The following BARD1 variants were observed in gnomAD, a reference collection of about 807,000 sequenced individuals.
The protein encoded by BARD1 is BRCA1-associated RING domain protein 1.
Under a neutral mutation model 77.0 loss-of-function variants are expected in BARD1, and 73 were observed. The observed-to-expected ratio is 0.95, with a 90% CI of 0.79 to 1.15. The LOEUF (loss-of-function observed/expected upper bound fraction) is 1.15. Among genes scored for constraint, BARD1 ranks in the 50% most tolerant of loss-of-function variants. The pLI, the probability that BARD1 is intolerant of heterozygous loss-of-function variation, is 0.00. For synonymous variants in BARD1, 384 were observed against 338.0 expected (o/e 1.14, Z -1.49); for missense variants, 993 against 938.8 (o/e 1.06, Z -0.75).
intron 2 of BARD1, among the ~76,000 whole-genome samples, chr2:214,794,534 T>C (rs1474141540): frequency 6.6e-6 from 1 of 152,094 alleles, no homozygotes; most frequent in African/African-American, 2.4e-5. Flanking sequence ...TTATTTTTCC[T>C]TACAAAGTGT....
chr2:214,739,250 A>G (rs1255730252), intron 9 of BARD1, among the ~76,000 whole-genome samples: 1 of 152,180 alleles, frequency 6.6e-6, no homozygotes, highest in Non-Finnish European at 1.5e-5. Flanking sequence ...TCCTAAAAAA[A>G]AAAAATTAAA....
chr2:214,742,875 C>T (rs6435855), intron 9 of BARD1, among the ~76,000 whole-genome samples: 74,667 of 152,016 alleles, frequency 0.49, 18,516 homozygotes, highest in East Asian at 0.56. Context: ...ATCTATTTCT[C>T]CTTATAACCA....
chr2:214,739,568 A>C (rs1692720581), intron 9 of BARD1, among the ~76,000 whole-genome samples: 1 of 152,122 alleles, frequency 6.6e-6, no homozygotes, highest in Non-Finnish European at 1.5e-5. Context: ...AAAATGAAAA[A>C]ACAGTAGCAT....
At chr2:214,754,243 T>C (rs1693592131) in intron 6 of BARD1, among the ~76,000 whole-genome samples, 1 of 150,884 alleles carries the variant, frequency 6.6e-6, no homozygotes, top group South Asian at 2.1e-4. Flanking sequence ...CAACATATAA[T>C]GGCCACATTA....
chr2:214,799,609 C>T (rs1454137971), intron 1 of BARD1, among the ~76,000 whole-genome samples: 1 of 152,160 alleles, frequency 6.6e-6, no homozygotes, highest in Non-Finnish European at 1.5e-5. Context: ...CCTATAGTTC[C>T]CATATCTTTT....
intron 6 of BARD1, among the ~76,000 whole-genome samples, chr2:214,765,391 T>C (rs1694149255): frequency 6.6e-6 from 1 of 152,194 alleles, no homozygotes; most frequent in South Asian, 2.1e-4. Flanking sequence ...AGACAGGCTC[T>C]GTGTTTTGGC....
chr2:214,751,363 A>G (rs1194298553), intron 7 of BARD1, among the ~76,000 whole-genome samples: 1 of 150,430 alleles, frequency 6.6e-6, no homozygotes, highest in African/African-American at 2.4e-5. Context: ...GGGTTTCACC[A>G]TGTTGACCAA....
Position 214,729,025 on chromosome 2 carries a change from A to G in BARD1, c.2002-17T>C, listed in dbSNP as rs1692232403. On this transcript the variant is annotated splice_polypyrimidine_tract_variant and intron_variant, in intron 10 of 10. Coordinates refer to ENST00000260947, the MANE Select transcript of BARD1 (RefSeq NM_000465.4). ...CTTTGGCAACTGAAATAATGAGAAA[A>G]CATTTGTTAAAGGCAGATCAAAATA... 1 of 1,611,710 alleles carries G rather than the reference A, an allele frequency of 6.2e-7. No individual in the cohort carries two copies. The highest frequency in any genetic ancestry group is 1.3e-5 in the African/African-American group (1 of 74,882).
chr2:214,794,131 T>C (rs1695651841), intron 2 of BARD1, among the ~76,000 whole-genome samples: 1 of 152,022 alleles, frequency 6.6e-6, no homozygotes, highest in African/African-American at 2.4e-5. Context: ...GGTGCACCTG[T>C]AGTCTCAGCT....
At chr2:214,789,165 T>C (rs1329011182) in intron 3 of BARD1, among the ~76,000 whole-genome samples, 1 of 152,170 alleles carries the variant, frequency 6.6e-6, no homozygotes, top group Non-Finnish European at 1.5e-5. Flanking sequence ...TAAGAAGGTC[T>C]ATGAATGCAT....
rs545107676 is a variant in BARD1, at chr2:214,809,526, C to A, written c.44G>T (p.Arg15Leu). The A allele has an allele frequency of 5.5e-5, 88 of 1,587,988 alleles. No homozygotes were observed. The South Asian group carries it at 9.0e-4, about 16-fold the overall frequency. ...RQPRNRQPRI[R>L]SGNEPRSAPA... ...CGCGGAACGAGGCTCGTTCCCGGAG[C>A]GGATCCTCGGCTGCCGGTTCCTCGG... Residue 15 changes from arginine to leucine, a missense_variant, in exon 1 of 11, where the codon CGC becomes CTC. Coordinates refer to ENST00000260947, the MANE Select transcript of BARD1 (RefSeq NM_000465.4).
chr2:214,734,135 G>C (rs1692471608), intron 9 of BARD1, among the ~76,000 whole-genome samples: 1 of 152,016 alleles, frequency 6.6e-6, no homozygotes, highest in Non-Finnish European at 1.5e-5. Context: ...TGAATGCAAA[G>C]TTGTTTCTGA....
At chr2:214,755,640 T>G (rs1264353414) in intron 6 of BARD1, among the ~76,000 whole-genome samples, 2 of 152,158 alleles carry the variant, frequency 1.3e-5, no homozygotes. Context: ...AGGGGCCGTG[T>G]AGGGAATAAG....
intron 1 of BARD1, among the ~76,000 whole-genome samples, chr2:214,799,780 A>T (rs1019316358): frequency 6.6e-6 from 1 of 152,164 alleles, no homozygotes; most frequent in Non-Finnish European, 1.5e-5. Context: ...TTGAACAGAT[A>T]AAAGTTCTTA....
chr2:214,779,920 T>C (rs1574814533), intron 4 of BARD1, among the ~76,000 whole-genome samples: 2 of 152,334 alleles, frequency 1.3e-5, no homozygotes, highest in East Asian at 3.9e-4. Context: ...GTTTCAAAGA[T>C]TAACCACTGC....
intron 6 of BARD1, among the ~76,000 whole-genome samples, chr2:214,759,209 T>G (rs1420826012): frequency 6.6e-6 from 1 of 152,168 alleles, no homozygotes; most frequent in Non-Finnish European, 1.5e-5. Context: ...CATGTAATAT[T>G]TTCTACTTCA....
At chr2:214,800,365 G>A (rs1695961945) in intron 1 of BARD1, among the ~76,000 whole-genome samples, 1 of 152,162 alleles carries the variant, frequency 6.6e-6, no homozygotes, top group Non-Finnish European at 1.5e-5. Flanking sequence ...AAGGAAGTGT[G>A]TGAGCCAAGC....
chr2:214,771,133 A>T (rs1170261450), intron 4 of BARD1, among the ~76,000 whole-genome samples: 1 of 152,196 alleles, frequency 6.6e-6, no homozygotes, highest in Non-Finnish European at 1.5e-5. Context: ...ACTCACTGCA[A>T]ATATAACTAA....
Position 214,726,342 on chromosome 2 carries a change from C to G in BARD1, c.*2334G>C, listed in dbSNP as rs1017619755. The G allele has an allele frequency of 4.9e-6, 1 of 202,684 alleles. No homozygotes were observed. The highest frequency in any genetic ancestry group is 6.0e-5 in the Admixed American group (1 of 16,702). The allele number at this position is 202,684 out of a possible 1,614,324, so 12.6% of individuals were successfully genotyped here. On this transcript the variant is annotated 3_prime_UTR_variant, in exon 11 of 11. Transcript: ENST00000260947. ...AATTCAAGTAGAACTAGAAAATAGCCATGAGAATGTGGAAAAGCTACCAGC... is the reference window on the plus strand; with the variant it reads ...AATTCAAGTAGAACTAGAAAATAGCGATGAGAATGTGGAAAAGCTACCAGC...
Sources: allele counts gnomAD v4.1 joint callset (sites outside exome capture counted in the v4.1 genomes callset), GRCh38; gene constraint gnomAD v4.1.1; transcripts MANE v1.5; gene names NCBI Gene and HGNC (gene_info 2026-07-23, HGNC 2026-07-21).